The following MTF1 variants were observed in gnomAD, a reference collection of about 807,000 sequenced individuals.
MTF1 encodes the protein MRE-binding transcription factor.
A neutral mutation model predicts 70.4 loss-of-function variants in MTF1; 22 were observed. The ratio of observed to expected loss-of-function variants is 0.31; its 90% CI spans 0.22 to 0.45. MTF1 has a LOEUF of 0.45. Ranked by LOEUF, MTF1 falls within the 20% of genes least tolerant of loss-of-function variation. MTF1 has a pLI of 1.00. For missense variants in MTF1, 649 were observed against 922.0 expected, an observed-to-expected ratio of 0.70 and a Z score of 3.83; for synonymous variants, 333 against 352.8, an observed-to-expected ratio of 0.94 and a Z score of 0.63.
Position 37,848,880 on chromosome 1 carries a change from TCAA to T in MTF1, c.408+8368_408+8370del, listed in dbSNP as rs143168573. 5.0e-3 allele frequency among the ~76,000 whole-genome samples: 762 copies of T among 152,032 alleles called. 5 individuals are homozygous for T. The highest frequency in any genetic ancestry group is 0.017 in the African/African-American group (716 of 41,450). On this transcript the variant is annotated intron_variant, in intron 2 of 10. Coordinates refer to ENST00000373036, the MANE Select transcript of MTF1 (RefSeq NM_005955.3). ...AGTCGGTAGTTCCCCTCTAGGAGAG[TCAA>T]CAACATCTTGGTTTGTCTGAGTGGA...
intron 6 of MTF1, among the ~76,000 whole-genome samples, chr1:37,834,860 A>G (rs1177983563): frequency 6.6e-6 from 1 of 152,238 alleles, no homozygotes; most frequent in Non-Finnish European, 1.5e-5. Context: ...TGCAGGAAGA[A>G]CAGGTTTGGA....
chr1:37,858,052 G>A lies in MTF1; in HGVS notation c.-51-343C>T, dbSNP rs1465051870. Among the ~76,000 whole-genome samples, 3 of 151,218 alleles carry A rather than the reference G, an allele frequency of 2.0e-5. No individual in the cohort carries two copies. In the East Asian group the frequency reaches 5.8e-4, roughly 29 times the overall value. On this transcript the variant is annotated intron_variant, in intron 1 of 10. Transcript: ENST00000373036. The stretch of plus-strand genomic sequence containing the variant: ...AAAAAGAAAAAGAAAGAAAAGCAAT[G>A]CTTTTCAAAAACTGAATAAGTTCAT...
At chr1:37,822,819 G>A in intron 8 of MTF1, 103 bp from the exon 9 acceptor site, 4 of 754,066 alleles carry the variant, frequency 5.3e-6, no homozygotes, top group Non-Finnish European at 8.5e-6. Context: ...GAAGTCCACT[G>A]AGCTGATCTC....
chr1:37,820,000 CTAA>C (rs1640887137), intron 9 of MTF1, among the ~76,000 whole-genome samples: 1 of 137,620 alleles, frequency 7.3e-6, no homozygotes, highest in African/African-American at 2.8e-5. Context: ...AAGTGAGACC[CTAA>C]ATATCTGAAA....
chr1:37,815,156 T>C lies in MTF1; in HGVS notation c.2242A>G (p.Thr748Ala). The part of the protein sequence containing the change: ...LLQGEEEMGL[T>A]SSFSK ...GCCCTTCACTTGGAGAAGCTGCTGGTGAGGCCCATCTCCTCCTCCCCCTGC... is the reference window on the plus strand; with the variant it reads ...GCCCTTCACTTGGAGAAGCTGCTGGCGAGGCCCATCTCCTCCTCCCCCTGC... Residue 748 changes from threonine (T) to alanine (A), a missense_variant, in exon 11 of 11, where the codon ACC (threonine) becomes GCC (alanine). Coordinates refer to ENST00000373036, the MANE Select transcript of MTF1 (RefSeq NM_005955.3). The surrounding 1 kb of genome is among the most constrained non-coding windows in gnomAD (Gnocchi z 4.5). The C allele has an allele frequency of 6.2e-7, 1 of 1,614,108 alleles. No homozygotes were observed. Among genetic ancestry groups the C allele is most frequent in the Non-Finnish European group, 8.5e-7 (1 of 1,179,994 alleles).
intron 2 of MTF1, among the ~76,000 whole-genome samples, chr1:37,845,788 G>A (rs1641323278): frequency 6.6e-6 from 1 of 152,154 alleles, no homozygotes; most frequent in Non-Finnish European, 1.5e-5. Flanking sequence ...TTACAGGTAT[G>A]AGCCACCACA....
chr1:37,820,870 G>GA (rs1640899079), intron 9 of MTF1, among the ~76,000 whole-genome samples: 1 of 151,992 alleles, frequency 6.6e-6, no homozygotes, highest in African/African-American at 2.4e-5. Context: ...ATGATAGGGA[G>GA]AAAAAACAAT....
In MTF1 at chr1:37,814,952, T is replaced by A. The variant is rs1640792194; in HGVS notation, c.*184A>T. 2 of 585,152 alleles carry A rather than the reference T, an allele frequency of 3.4e-6. No individual in the cohort carries two copies. The highest frequency in any genetic ancestry group is 5.7e-5 in the East Asian group (2 of 34,860). 36.2% of individuals were successfully genotyped at this position (585,152 alleles called of 1,614,324 possible). ...GTTGTTTTTTTTGTTTTTTGTTTTTTTCCAAAGAATAGTTCCTTAAAATGG... is the reference window on the plus strand; with the variant it reads ...GTTGTTTTTTTTGTTTTTTGTTTTTATCCAAAGAATAGTTCCTTAAAATGG... On this transcript the variant is annotated 3_prime_UTR_variant, in exon 11 of 11. Coordinates refer to ENST00000373036, the MANE Select transcript of MTF1 (RefSeq NM_005955.3).
chr1:37,858,264 G>T (rs1206500461), intron 1 of MTF1, among the ~76,000 whole-genome samples: 1 of 152,158 alleles, frequency 6.6e-6, no homozygotes, highest in Non-Finnish European at 1.5e-5. Context: ...GCAGTTTATG[G>T]TAGAAGGAGC....
intron 2 of MTF1, among the ~76,000 whole-genome samples, chr1:37,848,414 T>C (rs1641364613): frequency 6.6e-6 from 1 of 152,210 alleles, no homozygotes; most frequent in Non-Finnish European, 1.5e-5. Flanking sequence ...AGAACAAAGC[T>C]GGAACCTAGG....
At chr1:37,833,496 C>G (rs1418058662) in intron 6 of MTF1, among the ~76,000 whole-genome samples, 1 of 152,156 alleles carries the variant, frequency 6.6e-6, no homozygotes, top group Non-Finnish European at 1.5e-5. Context: ...TAGGTGGTAG[C>G]CCTGCTTACC....
At position 37,840,251 on chromosome 1, in the gene MTF1, G is replaced by A. The variant is rs377060093; in HGVS notation, c.409-93C>T. 49 of 1,141,966 alleles carry A rather than the reference G, an allele frequency of 4.3e-5. No individual in the cohort carries two copies. In the African/African-American group the frequency reaches 5.8e-4, roughly 14 times the overall value. 70.7% of individuals were successfully genotyped at this position (1,141,966 alleles called of 1,614,324 possible). On this transcript the variant is annotated intron_variant, in intron 2 of 10. Transcript: ENST00000373036. This position sits in a 1 kb window ranked among gnomAD's most constrained non-coding sequence, Gnocchi z 4.5. ...AGCTCAGCTCCCAAGAGATGCTGTG[G>A]ACAATACAACTGGGTTTTCATCATA...
At chr1:37,816,205 A>C (rs1051942799) in intron 10 of MTF1, among the ~76,000 whole-genome samples, 2 of 152,114 alleles carry the variant, frequency 1.3e-5, no homozygotes, top group Non-Finnish European at 2.9e-5. Context: ...CTCCATATTC[A>C]GCCAGGCTTT....
chr1:37,847,541 CT>C (rs1198827345), intron 2 of MTF1, among the ~76,000 whole-genome samples: 1 of 152,208 alleles, frequency 6.6e-6, no homozygotes, highest in Non-Finnish European at 1.5e-5. Flanking sequence ...TTTGAGAGCC[CT>C]TAGCTCTGCC....
chr1:37,839,168 C>T (rs926415777), intron 3 of MTF1, among the ~76,000 whole-genome samples: 13 of 152,054 alleles, frequency 8.5e-5, no homozygotes, highest in Admixed American at 3.3e-4. Context: ...GGATCAAGTG[C>T]GTAAGAATTC....
In MTF1 at chr1:37,815,411, G is replaced by T; in HGVS notation, c.1987C>A (p.Pro663Thr). 2 of 1,613,932 alleles carry T rather than the reference G, an allele frequency of 1.2e-6. No individual in the cohort carries two copies. The highest frequency in any genetic ancestry group is 8.5e-7 in the Non-Finnish European group (1 of 1,179,910). The part of the protein sequence containing the change: ...CSSPPPPEPS[P>T]QAPDGPSLQL... Reference sequence around the variant, plus strand: ...AGGCTGGGCCCATCAGGAGCCTGGGGGCTCGGCTCTGGAGGGGGTGGGGAG... The same window carrying T: ...AGGCTGGGCCCATCAGGAGCCTGGGTGCTCGGCTCTGGAGGGGGTGGGGAG... Residue 663 changes from proline (P) to threonine (T), a missense_variant, in exon 11 of 11, where the codon CCC becomes ACC. By Grantham distance (38) the Pro-to-Thr change is conservative. This residue lies in a region of MTF1 where 138 missense variants were observed against 134.4 expected (regional missense o/e 1.03). Transcript: ENST00000373036. The surrounding 1 kb of genome is among the most constrained non-coding windows in gnomAD (Gnocchi z 4.5).
intron 7 of MTF1, among the ~76,000 whole-genome samples, chr1:37,830,762 G>A (rs1641073955): frequency 6.6e-6 from 1 of 152,210 alleles, no homozygotes; most frequent in Non-Finnish European, 1.5e-5. Flanking sequence ...CTCCCTTGCA[G>A]TGGATGCAGC....
In MTF1 at chr1:37,857,326, G is replaced by A. The variant is rs1284977374; in HGVS notation, c.333C>T (p.Ser111=). 2 of 1,614,222 alleles carry A rather than the reference G, an allele frequency of 1.2e-6. No individual in the cohort carries two copies. Among genetic ancestry groups the A allele is most frequent in the African/African-American group, 1.3e-5 (1 of 75,058 alleles). Residue 111 remains serine (S), a synonymous_variant, in exon 2 of 11, where the codon TCC becomes TCT. Transcript: ENST00000373036. ...CTTCAATATTTCTTGGCATGGGTGT[G>A]GAACCAGGGTTTATTGTCAAATGAA... The part of the protein sequence containing the change: ...DQIHLTINPG[S]TPMPRNIEGA...
Position 37,835,735 on chromosome 1 carries a change from G to A in MTF1, c.789C>T (p.His263=), listed in dbSNP as rs140288344. ...HTGEKPFRCD[H]DGCGKAFAAS... is the part of the protein sequence containing the mutation. ...CTGCAAATGCTTTTCCACAGCCATCGTGATCGCACCTAAATTTGTTAAGGA... is the reference window on the plus strand; with the variant it reads ...CTGCAAATGCTTTTCCACAGCCATCATGATCGCACCTAAATTTGTTAAGGA... Residue 263 remains histidine, a synonymous_variant, in exon 5 of 11, where the codon CAC becomes CAT. Coordinates refer to ENST00000373036, the MANE Select transcript of MTF1 (RefSeq NM_005955.3). The A allele has an allele frequency of 2.6e-5, 42 of 1,613,796 alleles. No individual in the cohort carries two copies. Among genetic ancestry groups the A allele is most frequent in the African/African-American group, 2.4e-4 (18 of 74,908 alleles).
Sources: gnomAD v4.1 joint callset for allele counts (sites outside exome capture counted in the v4.1 genomes callset) on GRCh38, gnomAD v4.1.1 for gene constraint, gnomAD v4.1.1 regional missense constraint, Gnocchi (gnomAD v3.1) non-coding constraint, MANE v1.5 for transcripts, NCBI Gene and HGNC (gene_info 2026-07-23, HGNC 2026-07-21) for gene names.